The following CYSLTR2 variants were observed in gnomAD, a reference collection of about 807,000 sequenced individuals.
CYSLTR2 encodes cysteinyl leukotriene receptor 2.
For synonymous variants in CYSLTR2, 179 were observed against 160.8 expected (o/e 1.11, Z -0.86); for missense variants, 398 against 411.9 (o/e 0.97, Z 0.29).
chr13:48,659,827 T>C (rs1298152006), intron 1 of CYSLTR2, among the ~76,000 whole-genome samples: 2 of 152,206 alleles, frequency 1.3e-5, no homozygotes, highest in Non-Finnish European at 2.9e-5. Context: ...CCTTTCTAAA[T>C]ACAAGGATGA....
In CYSLTR2 at chr13:48,707,674, C is replaced by G. The variant is rs868826384; in HGVS notation, c.857C>G (p.Ala286Gly). The change falls in exon 5 of 5, where the codon GCT (alanine) becomes GGT (glycine). Residue 286 changes from alanine (A) to glycine (G), a missense_variant. Coordinates refer to ENST00000682523, the MANE Select transcript of CYSLTR2 (RefSeq NM_001308476.3). ...TTATGCAAAGACAGACTGCATAAAG[C>G]TTTGGTTATCACACTGGCCTTGGCA... ...VGLCKDRLHK[A>G]LVITLALAAA... The G allele has an allele frequency of 1.2e-6, 2 of 1,614,078 alleles. No homozygotes were observed. Among genetic ancestry groups the G allele is most frequent in the Middle Eastern group, 3.3e-4 (2 of 6,060 alleles).
chr13:48,681,833 G>A (rs894775284), intron 1 of CYSLTR2, among the ~76,000 whole-genome samples: 1 of 152,080 alleles, frequency 6.6e-6, no homozygotes, highest in African/African-American at 2.4e-5. Flanking sequence ...TGGTCTTCAT[G>A]GTCAAAAAGT....
At chr13:48,664,164 A>G (rs1428464140) in intron 1 of CYSLTR2, among the ~76,000 whole-genome samples, 1 of 152,002 alleles carries the variant, frequency 6.6e-6, no homozygotes, top group Non-Finnish European at 1.5e-5. Context: ...TTGCATCCTG[A>G]GATAAATCCC....
chr13:48,665,093 T>C (rs1953226944), intron 1 of CYSLTR2, among the ~76,000 whole-genome samples: 1 of 152,274 alleles, frequency 6.6e-6, no homozygotes. Context: ...AGCATGTTGC[T>C]TAATTTCCAT....
intron 1 of CYSLTR2, 131 bp downstream of exon 1, chr13:48,654,148 A>AT (rs2138782544): frequency 6.6e-6 from 1 of 152,230 alleles, no homozygotes; most frequent in African/African-American, 2.4e-5. Flanking sequence ...TTTTCCTATC[A>AT]TGTACATGGT....
intron 1 of CYSLTR2, among the ~76,000 whole-genome samples, chr13:48,659,755 C>A (rs1593927490): frequency 6.6e-6 from 1 of 152,158 alleles, no homozygotes; most frequent in East Asian, 1.9e-4. Flanking sequence ...AGATAAAAAA[C>A]AATTCTGTGA....
At chr13:48,671,139 CTT>C (rs1953418132) in intron 1 of CYSLTR2, among the ~76,000 whole-genome samples, 1 of 152,312 alleles carries the variant, frequency 6.6e-6, no homozygotes, top group East Asian at 1.9e-4. Flanking sequence ...TTTCCTGAGA[CTT>C]TGCTGAAGGT....
At chr13:48,690,046 GCTCTCTGCTTGTTTATTAT>G (rs1953999080) in intron 1 of CYSLTR2, among the ~76,000 whole-genome samples, 1 of 151,956 alleles carries the variant, frequency 6.6e-6, no homozygotes, top group African/African-American at 2.4e-5. Flanking sequence ...TCATGATTTA[GCTCTCTGCTTGTTTATTAT>G]TGGTGTATAG....
chr13:48,674,928 C>T (rs997879521), intron 1 of CYSLTR2, among the ~76,000 whole-genome samples: 3 of 152,160 alleles, frequency 2.0e-5, no homozygotes, highest in African/African-American at 4.8e-5. Flanking sequence ...TTCCATACCC[C>T]GTTTGCCTGG....
chr13:48,677,609 A>G (rs1008771080), intron 1 of CYSLTR2, among the ~76,000 whole-genome samples: 1 of 152,150 alleles, frequency 6.6e-6, no homozygotes, highest in African/African-American at 2.4e-5. Context: ...GGAAGAAACT[A>G]AAGTTACATG....
intron 1 of CYSLTR2, among the ~76,000 whole-genome samples, chr13:48,681,007 T>C (rs1176275683): frequency 6.6e-6 from 1 of 152,112 alleles, no homozygotes; most frequent in African/African-American, 2.4e-5. Flanking sequence ...AGGATGTTTG[T>C]ATATATATTT....
intron 1 of CYSLTR2, among the ~76,000 whole-genome samples, chr13:48,673,297 G>T (rs2138860556): frequency 6.6e-6 from 1 of 152,090 alleles, no homozygotes; most frequent in South Asian, 2.1e-4. Context: ...TCCTGTATTG[G>T]GTGCATATAT....
At chr13:48,693,950 T>C (rs908973338) in intron 3 of CYSLTR2, among the ~76,000 whole-genome samples, 4 of 152,222 alleles carry the variant, frequency 2.6e-5, no homozygotes, top group African/African-American at 4.8e-5. Context: ...AGATTGTCCT[T>C]GGTGAAACTG....
At chr13:48,695,964 G>GT (rs1283969123) in intron 3 of CYSLTR2, among the ~76,000 whole-genome samples, 4 of 152,198 alleles carry the variant, frequency 2.6e-5, no homozygotes, top group Admixed American at 6.5e-5. Flanking sequence ...TGCATGTATA[G>GT]TTTTTTAGGA....
chr13:48,700,223 G>T (rs1305991083), intron 4 of CYSLTR2, among the ~76,000 whole-genome samples: 1 of 152,078 alleles, frequency 6.6e-6, no homozygotes, highest in African/African-American at 2.4e-5. Flanking sequence ...CAACAAAAGA[G>T]AATTTTAGAC....
At chr13:48,658,759 G>T (rs1332135703) in intron 1 of CYSLTR2, among the ~76,000 whole-genome samples, 1 of 152,166 alleles carries the variant, frequency 6.6e-6, no homozygotes, top group Non-Finnish European at 1.5e-5. Context: ...TGGGGGTTTT[G>T]AAATAAGCTT....
In CYSLTR2 at chr13:48,707,820, C is replaced by G. The variant is rs1266575495; in HGVS notation, c.1003C>G (p.Pro335Ala). 3 of 1,539,460 alleles carry G rather than the reference C, an allele frequency of 1.9e-6. No homozygotes were observed. Among genetic ancestry groups the G allele is most frequent in the Non-Finnish European group, 2.6e-6 (3 of 1,145,018 alleles). The change falls in exon 5 of 5, where the codon CCT becomes GCT. Residue 335 changes from proline to alanine, a missense_variant. Coordinates refer to ENST00000682523, the MANE Select transcript of CYSLTR2 (RefSeq NM_001308476.3). ...GAAGGCAAAGACAAAGTGTGTTTTC[C>G]CTGTTAGTGTGTGGTTGAGAAAGGA... is the stretch of plus-strand genomic sequence containing the variant. ...PQKAKTKCVF[P>A]VSVWLRKETR...
chr13:48,660,359 G>A (rs1435185751), intron 1 of CYSLTR2, among the ~76,000 whole-genome samples: 1 of 152,176 alleles, frequency 6.6e-6, no homozygotes, highest in Non-Finnish European at 1.5e-5. Flanking sequence ...CCAAAGTGCT[G>A]ACTTCATGGT....
At chr13:48,679,033 A>C (rs1953677357) in intron 1 of CYSLTR2, among the ~76,000 whole-genome samples, 2 of 152,062 alleles carry the variant, frequency 1.3e-5, no homozygotes. Context: ...ATGAAATCCC[A>C]ATTCCTTGGT....
Sources: allele counts gnomAD v4.1 joint callset (sites outside exome capture counted in the v4.1 genomes callset), GRCh38; gene constraint gnomAD v4.1.1; transcripts MANE v1.5; gene names NCBI Gene and HGNC (gene_info 2026-07-23, HGNC 2026-07-21).